Variants in GRIA1 observed in about 807,000 individuals in gnomAD.
The protein encoded by GRIA1 is glutamate receptor 1.
GRIA1 carries 31 observed loss-of-function variants against 99.2 expected under a neutral mutation model. That is an observed-to-expected ratio of 0.31 (90% CI 0.23 to 0.42). The LOEUF (loss-of-function observed/expected upper bound fraction) is 0.42, where lower values mean the gene tolerates loss of function less well. Among genes scored for constraint, GRIA1 ranks in the 10% least tolerant of loss-of-function variants. GRIA1 has a pLI of 1.00. For missense variants in GRIA1, 782 were observed against 1,157.5 expected, an observed-to-expected ratio of 0.68 and a Z score of 4.71; for synonymous variants, 438 against 432.4, an observed-to-expected ratio of 1.01 and a Z score of -0.16.
chr5:153,506,819 C>A (rs1755551491), intron 2 of GRIA1, among the ~76,000 whole-genome samples: 1 of 152,088 alleles, frequency 6.6e-6, no homozygotes, highest in Admixed American at 6.6e-5. Context: ...ACTCCAAGAT[C>A]ACTCTGAATA....
intron 11 of GRIA1, among the ~76,000 whole-genome samples, chr5:153,763,075 C>A (rs568831613): frequency 5.9e-5 from 9 of 152,240 alleles, no homozygotes; most frequent in African/African-American, 2.2e-4. Flanking sequence ...TTTTCCCCTC[C>A]GTGTGAAACG....
intron 2 of GRIA1, among the ~76,000 whole-genome samples, chr5:153,511,869 T>A (rs1756113631): frequency 6.6e-6 from 1 of 152,170 alleles, no homozygotes; most frequent in South Asian, 2.1e-4. Flanking sequence ...CTTGCCAAAT[T>A]GGCTCAGGCT....
At chr5:153,618,203 T>C (rs1240783932) in intron 2 of GRIA1, among the ~76,000 whole-genome samples, 1 of 152,222 alleles carries the variant, frequency 6.6e-6, no homozygotes, top group Non-Finnish European at 1.5e-5. Context: ...GGATTCAAAC[T>C]TTCTAGTTAA....
At chr5:153,771,784 A>G (rs968972338) in intron 13 of GRIA1, among the ~76,000 whole-genome samples, 2 of 152,250 alleles carry the variant, frequency 1.3e-5, no homozygotes, top group Non-Finnish European at 2.9e-5. Flanking sequence ...TAAGCTTATT[A>G]TTCTGGGACT....
chr5:153,589,354 T>G (rs1028275288), intron 2 of GRIA1, among the ~76,000 whole-genome samples: 3 of 152,170 alleles, frequency 2.0e-5, no homozygotes, highest in Non-Finnish European at 4.4e-5. Flanking sequence ...GTGAATTAAT[T>G]TATACATTTC....
At chr5:153,670,175 C>T (rs1188710098) in intron 5 of GRIA1, among the ~76,000 whole-genome samples, 1 of 152,136 alleles carries the variant, frequency 6.6e-6, no homozygotes, top group East Asian at 1.9e-4. Flanking sequence ...CATTCTTTCT[C>T]ACCGATTTAT....
intron 2 of GRIA1, among the ~76,000 whole-genome samples, chr5:153,542,053 C>A (rs976945046): frequency 1.3e-5 from 2 of 151,496 alleles, no homozygotes; most frequent in South Asian, 4.2e-4. Context: ...ATACCTACTT[C>A]TCTTCATCCC....
chr5:153,789,697 G>A (rs1466603033), intron 13 of GRIA1, among the ~76,000 whole-genome samples: 1 of 152,088 alleles, frequency 6.6e-6, no homozygotes, highest in African/African-American at 2.4e-5. Context: ...TAGAGCTAAC[G>A]AGTATTTGCT....
At chr5:153,697,138 A>G (rs142838111) in intron 8 of GRIA1, among the ~76,000 whole-genome samples, 157 of 152,296 alleles carry the variant, frequency 1.0e-3, no homozygotes, top group South Asian at 2.9e-3. Context: ...ATCTCTCATG[A>G]TCATAAGCCC....
intron 11 of GRIA1, among the ~76,000 whole-genome samples, chr5:153,739,063 C>T (rs1761594406): frequency 6.8e-6 from 1 of 147,740 alleles, no homozygotes; most frequent in Non-Finnish European, 1.5e-5. Context: ...AATTCATTCT[C>T]CATTCTGCAA....
At chr5:153,729,794 C>T (rs572533618) in intron 11 of GRIA1, among the ~76,000 whole-genome samples, 2 of 152,122 alleles carry the variant, frequency 1.3e-5, no homozygotes, top group African/African-American at 2.4e-5. Flanking sequence ...TTGCTGAAAC[C>T]TCTAAAACCC....
chr5:153,564,947 A>C (rs10038377), intron 2 of GRIA1, among the ~76,000 whole-genome samples: 2 of 152,094 alleles, frequency 1.3e-5, no homozygotes, highest in Non-Finnish European at 2.9e-5. Flanking sequence ...AGTACTGCCA[A>C]ATTAACATTA....
At chr5:153,581,513 C>G (rs541093104) in intron 2 of GRIA1, among the ~76,000 whole-genome samples, 10 of 152,234 alleles carry the variant, frequency 6.6e-5, no homozygotes, top group Admixed American at 1.3e-4. Flanking sequence ...AACTAAAGCT[C>G]TAAAGCTCTT....
intron 11 of GRIA1, among the ~76,000 whole-genome samples, chr5:153,754,576 T>C (rs1230791429): frequency 2.0e-4 from 30 of 152,208 alleles, no homozygotes; most frequent in Admixed American, 2.0e-3. Flanking sequence ...GATCCTGAAC[T>C]TGGGATAGCT....
rs538371318 is a variant in GRIA1 at position 153,610,011 on chromosome 5, A to G, written c.221-36917A>G. 8.1e-4 allele frequency among the ~76,000 whole-genome samples: 123 copies of G among 152,216 alleles called. 3 individuals carry two copies. Among genetic ancestry groups the G allele is most frequent in the Non-Finnish European group, 3.4e-4 (23 of 68,028 alleles). ...CTCCTAAAGCCCCTATGGGGTTGGC[A>G]TCATTCTACTGTCTGCATGCCTGGA... On this transcript the variant is annotated intron_variant, in intron 2 of 15. Coordinates refer to ENST00000285900, the MANE Select transcript of GRIA1 (RefSeq NM_000827.4).
rs1460269586 is a variant in GRIA1, at chr5:153,647,178, G to A, written c.460+11G>A. On this transcript the variant is annotated intron_variant, in intron 3 of 15. Coordinates refer to ENST00000285900, the MANE Select transcript of GRIA1 (RefSeq NM_000827.4). Reference sequence around the variant, plus strand: ...ATGATGCCGACCGGGGTAAGCCAAGGGTTAGGGGAGGGAGACTTTTGAGGG... The same window carrying A: ...ATGATGCCGACCGGGGTAAGCCAAGAGTTAGGGGAGGGAGACTTTTGAGGG... The A allele has an allele frequency of 1.1e-5, 17 of 1,611,298 alleles. No individual in the cohort carries two copies. The highest frequency in any genetic ancestry group is 1.4e-5 in the Non-Finnish European group (17 of 1,177,964).
chr5:153,620,052 A>G (rs1415905400), intron 2 of GRIA1, among the ~76,000 whole-genome samples: 1 of 152,214 alleles, frequency 6.6e-6, no homozygotes, highest in Non-Finnish European at 1.5e-5. Flanking sequence ...TGTGTGACAC[A>G]CCATGAAATG....
intron 4 of GRIA1, 78 bp from the exon 5 acceptor site, chr5:153,655,741 A>G (rs1256114866): frequency 2.5e-6 from 3 of 1,211,352 alleles, no homozygotes; most frequent in Non-Finnish European, 3.7e-6. Context: ...ACTCGATATC[A>G]GCTGCCGTTA....
rs1014295675 is a variant in GRIA1 at position 153,520,328 on chromosome 5, G to C, written c.220+26263G>C. 7.9e-5 allele frequency among the ~76,000 whole-genome samples: 12 copies of C among 152,172 alleles called. 1 individual carries two copies. The highest frequency in any genetic ancestry group is 4.4e-5 in the Non-Finnish European group (3 of 68,030). On this transcript the variant is annotated intron_variant, in intron 2 of 15. Transcript: ENST00000285900. Reference sequence around the variant, plus strand: ...GCCCACAAATTGCTAGCTCTCTCAGGGGAATCCAGAACAATGCAGTGCCAC... The same window carrying C: ...GCCCACAAATTGCTAGCTCTCTCAGCGGAATCCAGAACAATGCAGTGCCAC...
Sources: allele counts gnomAD v4.1 joint callset (sites outside exome capture counted in the v4.1 genomes callset), GRCh38; gene constraint gnomAD v4.1.1; transcripts MANE v1.5; gene names NCBI Gene and HGNC (gene_info 2026-07-23, HGNC 2026-07-21).